MEIS2: variants seen among roughly 807,000 people sequenced by gnomAD.
The protein encoded by MEIS2 is Meis homeobox 2.
Under a neutral mutation model 58.6 loss-of-function variants are expected in MEIS2, and 9 were observed. The observed-to-expected ratio is 0.15, with a 90% confidence interval of 0.09 to 0.27. The LOEUF is 0.27. Ranked by LOEUF, MEIS2 falls within the 10% of genes least tolerant of loss-of-function variation. The probability of loss-of-function intolerance (pLI) is 1.00; values close to 1 mark genes in which losing one functional copy is unlikely to be tolerated. For synonymous variants in MEIS2, 221 were observed against 228.4 expected, an observed-to-expected ratio of 0.97 and a Z score of 0.29; for missense variants, 427 against 635.0, an observed-to-expected ratio of 0.67 and a Z score of 3.52.
chr15:36,973,414 G>C (rs2059633414), intron 8 of MEIS2, among the ~76,000 whole-genome samples: 1 of 152,166 alleles, frequency 6.6e-6, no homozygotes, highest in Non-Finnish European at 1.5e-5. Flanking sequence ...CTTTGGTTAA[G>C]CGCACTGACT....
chr15:37,094,462 C>T (rs542985454), intron 5 of MEIS2, 65 bp downstream of exon 5: 1 of 1,521,924 alleles, frequency 6.6e-7, no homozygotes, highest in Non-Finnish European at 9.1e-7. Flanking sequence ...TTGTTAAAAA[C>T]ATCCCAACTC....
intron 9 of MEIS2, among the ~76,000 whole-genome samples, chr15:36,911,883 A>T (rs1335159068): frequency 2.6e-5 from 4 of 152,310 alleles, no homozygotes; most frequent in Non-Finnish European, 5.9e-5. Flanking sequence ...GAATTGGCAA[A>T]GCAATTCTTA....
intron 6 of MEIS2, among the ~76,000 whole-genome samples, chr15:37,088,532 G>T (rs909178121): frequency 6.6e-6 from 1 of 152,166 alleles, no homozygotes; most frequent in Admixed American, 6.5e-5. Flanking sequence ...AATGTTAATT[G>T]TGTGGTTTGA....
chr15:36,978,846 T>G (rs2059843057), intron 8 of MEIS2, among the ~76,000 whole-genome samples: 1 of 152,226 alleles, frequency 6.6e-6, no homozygotes, highest in East Asian at 1.9e-4. Context: ...GCACCATGAT[T>G]TGTCAAATTT....
intron 8 of MEIS2, among the ~76,000 whole-genome samples, chr15:36,989,567 T>C (rs577484884): frequency 6.6e-6 from 1 of 152,230 alleles, no homozygotes; most frequent in African/African-American, 2.4e-5. Context: ...CTGCCCAAGG[T>C]TCCTTTACTT....
chr15:37,085,713 G>A (rs1445947421), intron 6 of MEIS2, among the ~76,000 whole-genome samples: 1 of 152,152 alleles, frequency 6.6e-6, no homozygotes, highest in Non-Finnish European at 1.5e-5. Context: ...GTTTGAGAAA[G>A]TAGATTAGGG....
At position 36,934,016 on chromosome 15, in the gene MEIS2, A is replaced by G. The variant is rs184089372; in HGVS notation, c.977+16308T>C. Among the ~76,000 whole-genome samples the G allele has an allele frequency of 9.2e-5, 14 of 152,324 alleles. No individual in the cohort carries two copies. The East Asian group carries it at 2.7e-3, about 29-fold the overall frequency. The stretch of plus-strand genomic sequence containing the variant: ...AATATTTGTCAGCTATGCATATCAC[A>G]TAAATGCATTAGGGCATAAAAGCTA... On this transcript the variant is annotated intron_variant, in intron 9 of 11. Coordinates refer to ENST00000561208, the MANE Select transcript of MEIS2 (RefSeq NM_170675.5).
intron 8 of MEIS2, among the ~76,000 whole-genome samples, chr15:36,957,877 G>T (rs2059041175): frequency 6.6e-6 from 1 of 152,282 alleles, no homozygotes; most frequent in African/African-American, 2.4e-5. Flanking sequence ...GAGAGATTGA[G>T]ACAATCATTT....
chr15:36,952,597 G>GTCTGTCTC (rs1555432899), intron 8 of MEIS2, among the ~76,000 whole-genome samples: 63 of 107,376 alleles, frequency 5.9e-4, no homozygotes, highest in African/African-American at 1.8e-3. Flanking sequence ...CTGTCTGTCT[G>GTCTGTCTC]TCTCTCTCTC....
At chr15:36,916,312 A>G (rs1490015843) in intron 9 of MEIS2, among the ~76,000 whole-genome samples, 2 of 151,920 alleles carry the variant, frequency 1.3e-5, no homozygotes, top group Non-Finnish European at 2.9e-5. Context: ...CTGCAGTCCC[A>G]ACTACGCAGG....
In MEIS2 at chr15:36,917,647, G is replaced by T. The variant is rs2057337194; in HGVS notation, c.978-20961C>A. On this transcript the variant is annotated intron_variant, in intron 9 of 11. Coordinates refer to ENST00000561208, the MANE Select transcript of MEIS2 (RefSeq NM_170675.5). The stretch of plus-strand genomic sequence containing the variant: ...TGTCCTACAAAGGAAATCCTAAACA[G>T]ATTTTTATCTCCAATCATACTCTAG... Among the ~76,000 whole-genome samples the T allele has an allele frequency of 2.6e-5, 4 of 152,194 alleles. No individual in the cohort carries two copies. In the South Asian group the frequency reaches 8.3e-4, roughly 31 times the overall value.
intron 7 of MEIS2, among the ~76,000 whole-genome samples, chr15:37,045,332 C>T (rs1174304112): frequency 1.3e-5 from 2 of 152,128 alleles, no homozygotes; most frequent in East Asian, 3.9e-4. Context: ...TGCCCTTTTC[C>T]TCTTAAATAT....
Position 37,053,346 on chromosome 15 carries a change from C to T in MEIS2, c.755-16387G>A, listed in dbSNP as rs576571377. ...ATAACAAATTAAAAACCGGCTGACTCGACACCATTTGAGTGAGGAATTCAC... is the reference window on the plus strand; with the variant it reads ...ATAACAAATTAAAAACCGGCTGACTTGACACCATTTGAGTGAGGAATTCAC... On this transcript the variant is annotated intron_variant, in intron 7 of 11. Coordinates refer to ENST00000561208, the MANE Select transcript of MEIS2 (RefSeq NM_170675.5). Among the ~76,000 whole-genome samples the T allele has an allele frequency of 5.3e-5, 8 of 152,290 alleles. No homozygotes were observed. In the South Asian group the frequency reaches 1.0e-3, roughly 20 times the overall value.
intron 9 of MEIS2, among the ~76,000 whole-genome samples, chr15:36,921,454 T>G (rs1306191176): frequency 6.6e-6 from 1 of 152,224 alleles, no homozygotes; most frequent in African/African-American, 2.4e-5. Context: ...TGAAATAATT[T>G]CAAGGAAGTG....
intron 9 of MEIS2, among the ~76,000 whole-genome samples, chr15:36,922,619 C>CTTTTTTTTTTTTT (rs59227539): frequency 1.6e-5 from 2 of 126,904 alleles, no homozygotes; most frequent in African/African-American, 2.9e-5. Context: ...TTCTTTCTTT[C>CTTTTTTTTTTTTT]TTTTTTTTTT....
intron 7 of MEIS2, among the ~76,000 whole-genome samples, chr15:37,044,433 T>C (rs2062575122): frequency 6.6e-6 from 1 of 152,226 alleles, no homozygotes; most frequent in African/African-American, 2.4e-5. Flanking sequence ...GCCTACCCTT[T>C]ATCTACAGGC....
chr15:36,970,998 G>T (rs1395401951), intron 8 of MEIS2, among the ~76,000 whole-genome samples: 1 of 150,758 alleles, frequency 6.6e-6, no homozygotes, highest in African/African-American at 2.4e-5. Flanking sequence ...GAAACTTTTA[G>T]AAGTTTTAAT....
intron 8 of MEIS2, among the ~76,000 whole-genome samples, chr15:36,954,877 C>T (rs2058899677): frequency 2.0e-5 from 3 of 152,164 alleles, no homozygotes; most frequent in Admixed American, 1.3e-4. Flanking sequence ...TTTCTTTGCT[C>T]CCCTCCAAGG....
intron 8 of MEIS2, among the ~76,000 whole-genome samples, chr15:36,979,366 A>G (rs1447144565): frequency 1.3e-5 from 2 of 152,166 alleles, no homozygotes; most frequent in African/African-American, 4.8e-5. Flanking sequence ...TCTGGTCCCA[A>G]GCATTTCAGA....
Sources: allele counts gnomAD v4.1 joint callset (sites outside exome capture counted in the v4.1 genomes callset), GRCh38; gene constraint gnomAD v4.1.1; transcripts MANE v1.5; gene names NCBI Gene and HGNC (gene_info 2026-07-23, HGNC 2026-07-21).